USPL1: variants seen among roughly 807,000 people sequenced by gnomAD.
USPL1 encodes the protein SUMO-specific isopeptidase USPL1.
USPL1 carries 27 observed loss-of-function variants against 51.5 expected under a neutral mutation model. That is an observed-to-expected ratio of 0.52 (90% CI 0.39 to 0.72). The LOEUF is 0.72. USPL1 is among the 30% of genes least tolerant of loss of function. USPL1 has a pLI of 0.00. For synonymous variants in USPL1, 451 were observed against 459.6 expected, an observed-to-expected ratio of 0.98 and a Z score of 0.24; for missense variants, 1,226 against 1,268.0, an observed-to-expected ratio of 0.97 and a Z score of 0.50.
At chr13:30,655,166 A>G (rs1951144939) in intron 8 of USPL1, among the ~76,000 whole-genome samples, 1 of 152,050 alleles carries the variant, frequency 6.6e-6, no homozygotes, top group South Asian at 2.1e-4. Flanking sequence ...TGAACTCCCA[A>G]CCTCAGGTGA....
chr13:30,642,800 C>G, intron 6 of USPL1, 43 bp downstream of exon 6: 1 of 1,593,122 alleles, frequency 6.3e-7, no homozygotes, highest in Non-Finnish European at 8.5e-7. Context: ...TCTAGTTTCT[C>G]CACCACTAAG....
chr13:30,637,135 T>G (rs376038004), intron 4 of USPL1, among the ~76,000 whole-genome samples: 60 of 152,200 alleles, frequency 3.9e-4, no homozygotes, highest in Non-Finnish European at 7.6e-4. Flanking sequence ...TTCTAAGAGA[T>G]AGGGGTTTCA....
chr13:30,621,133 G>A lies in USPL1; in HGVS notation c.-8G>A. The A allele has an allele frequency of 1.2e-6, 2 of 1,602,244 alleles. No homozygotes were observed. Among genetic ancestry groups the A allele is most frequent in the Non-Finnish European group, 1.7e-6 (2 of 1,176,058 alleles). Reference sequence around the variant, plus strand: ...TCTCAAGTGACATAAATTAGCCAATGACTCGGAATGATGGATTCTCCGAAG... The same window carrying A: ...TCTCAAGTGACATAAATTAGCCAATAACTCGGAATGATGGATTCTCCGAAG... On this transcript the variant is annotated 5_prime_UTR_variant, in exon 2 of 9. An upstream start codon of the reference 5' UTR is lost. Transcript: ENST00000255304.
At position 30,659,723 on chromosome 13, in the gene USPL1, C is replaced by T. The variant is rs1951231080; in HGVS notation, c.*367C>T. 1 of 170,512 alleles carries T rather than the reference C, an allele frequency of 5.9e-6. No homozygotes were observed. Among genetic ancestry groups the T allele is most frequent in the South Asian group, 1.6e-4 (1 of 6,282 alleles). 10.6% of individuals were successfully genotyped at this position (170,512 alleles called of 1,614,324 possible). A position where few individuals can be genotyped will look rare whatever the true frequency, so the allele number is the denominator to read the frequency against. ...TGATCTTTGTGGTGGTTTTCTTCCC[C>T]TGGAAACCTGTTGCTCGTGGCGCTT... On this transcript the variant is annotated 3_prime_UTR_variant, in exon 9 of 9. Transcript: ENST00000255304.
At chr13:30,631,522 T>A in intron 4 of USPL1, 48 bp downstream of exon 4, 1 of 1,506,404 alleles carries the variant, frequency 6.6e-7, no homozygotes, top group Non-Finnish European at 8.9e-7. Flanking sequence ...TCATCTGGAG[T>A]CAGGGTCTCA....
At chr13:30,635,090 A>G (rs1463574338) in intron 4 of USPL1, among the ~76,000 whole-genome samples, 2 of 152,174 alleles carry the variant, frequency 1.3e-5, no homozygotes, top group Non-Finnish European at 2.9e-5. Context: ...TGCTAGAGTT[A>G]CATCAGATGT....
In USPL1 at chr13:30,660,128, G is replaced by C. The variant is rs1246812365; in HGVS notation, c.*772G>C. ...TTAGCAGAGAGGGTAGCTCCTCCCT[G>C]TTGCTGGTCGTCCCACCCTCTGCTC... On this transcript the variant is annotated 3_prime_UTR_variant, in exon 9 of 9. Coordinates refer to ENST00000255304, the MANE Select transcript of USPL1 (RefSeq NM_005800.5). The C allele has an allele frequency of 6.6e-6, 1 of 152,322 alleles. No homozygotes were observed. The highest frequency in any genetic ancestry group is 1.9e-4 in the East Asian group (1 of 5,196). 9.4% of individuals were successfully genotyped at this position (152,322 alleles called of 1,614,324 possible). A position where few individuals can be genotyped will look rare whatever the true frequency, so the allele number is the denominator to read the frequency against.
rs1478324640 is a variant in USPL1 at position 30,643,597 on chromosome 13, TCCA to T, written c.1112+843_1112+845del. ...AATTATTACAATAGAAATAACTCTT[TCCA>T]CCCCCCCCCGCCCTTTTTTTTTTTT... On this transcript the variant is annotated intron_variant, in intron 6 of 8. Coordinates refer to ENST00000255304, the MANE Select transcript of USPL1 (RefSeq NM_005800.5). 1.4e-3 allele frequency among the ~76,000 whole-genome samples: 121 copies of T among 86,950 alleles called. 8 individuals are homozygous for T. The South Asian group carries it at 0.023, about 17-fold the overall frequency. The allele number at this position is 86,950 out of a possible 152,430, so 57.0% of individuals were successfully genotyped here.
chr13:30,621,843 C>G lies in USPL1; in HGVS notation c.179C>G (p.Thr60Ser), dbSNP rs1950650602. The G allele has an allele frequency of 6.3e-7, 1 of 1,583,226 alleles. No individual in the cohort carries two copies. The highest frequency in any genetic ancestry group is 8.6e-7 in the Non-Finnish European group (1 of 1,166,392). ...REKGKLKALK[T>S]YRISFQESIF... Reference sequence around the variant, plus strand: ...AAGGGAAAGTTAAAAGCCTTAAAGACTTACCGAATTAGTTTTCAAGAATCT... The same window carrying G: ...AAGGGAAAGTTAAAAGCCTTAAAGAGTTACCGAATTAGTTTTCAAGAATCT... The change falls in exon 3 of 9, where the codon ACT becomes AGT. Residue 60 changes from threonine (T) to serine (S), a missense_variant. Transcript: ENST00000255304.
intron 4 of USPL1, among the ~76,000 whole-genome samples, chr13:30,636,266 CTG>C (rs1384780073): frequency 2.6e-5 from 4 of 151,838 alleles, no homozygotes; most frequent in Non-Finnish European, 5.9e-5. Context: ...TGTTTTTAAT[CTG>C]TTACTAATTT....
intron 4 of USPL1, among the ~76,000 whole-genome samples, chr13:30,633,151 A>G (rs1371776393): frequency 2.6e-5 from 4 of 152,170 alleles, no homozygotes; most frequent in Non-Finnish European, 5.9e-5. Context: ...GAGGTCTGAA[A>G]GTAGATGAGT....
At chr13:30,635,173 C>G (rs1950859235) in intron 4 of USPL1, among the ~76,000 whole-genome samples, 1 of 152,108 alleles carries the variant, frequency 6.6e-6, no homozygotes, top group Non-Finnish European at 1.5e-5. Flanking sequence ...ATAGGGAAGT[C>G]TTTATCTTTT....
rs1487368669 is a variant in USPL1 at position 30,658,735 on chromosome 13, TAAACTTCGTCTA to T, written c.2668_2679del (p.Leu890_Arg893del). ...AAGACTTGGTGGAAGGTCAGATTCA[TAAACTTCGTCTA>T]AAACTTCGTAAAAAGCTAAAGGCAG... On this transcript the variant is annotated inframe_deletion, in exon 9 of 9. Coordinates refer to ENST00000255304, the MANE Select transcript of USPL1 (RefSeq NM_005800.5). The T allele has an allele frequency of 6.2e-7, 1 of 1,614,088 alleles. No individual in the cohort carries two copies. Among genetic ancestry groups the T allele is most frequent in the African/African-American group, 1.3e-5 (1 of 74,928 alleles).
intron 1 of USPL1, among the ~76,000 whole-genome samples, chr13:30,619,290 C>T (rs1468112128): frequency 1.3e-5 from 2 of 152,060 alleles, no homozygotes; most frequent in African/African-American, 2.4e-5. Flanking sequence ...ACAAATAAAC[C>T]TCTGGTATTA....
chr13:30,654,573 TG>T (rs1366761459), intron 8 of USPL1, among the ~76,000 whole-genome samples: 1 of 152,194 alleles, frequency 6.6e-6, no homozygotes, highest in Non-Finnish European at 1.5e-5. Context: ...GATTCCAGTG[TG>T]GGTCATGTGG....
intron 4 of USPL1, among the ~76,000 whole-genome samples, chr13:30,633,286 T>G (rs1416569604): frequency 1.3e-5 from 2 of 152,240 alleles, no homozygotes; most frequent in Non-Finnish European, 2.9e-5. Context: ...TTATAAAACT[T>G]GATCATAGGT....
At chr13:30,625,786 A>C (rs1286749736) in intron 3 of USPL1, among the ~76,000 whole-genome samples, 7 of 152,172 alleles carry the variant, frequency 4.6e-5, no homozygotes, top group African/African-American at 7.2e-5. Context: ...GTGATAAAGC[A>C]AAAAATATAT....
chr13:30,625,444 G>GTTTT (rs926283215), intron 3 of USPL1, among the ~76,000 whole-genome samples: 15 of 118,938 alleles, frequency 1.3e-4, no homozygotes, highest in Non-Finnish European at 1.7e-4. Flanking sequence ...TTTGTTTTTT[G>GTTTT]TTTTTTTTTT....
In USPL1 at chr13:30,642,627, G is replaced by A; in HGVS notation, c.983-1G>A. 1.2e-6 allele frequency: 2 copies of A among 1,600,312 alleles called. No homozygotes were observed. The highest frequency in any genetic ancestry group is 1.7e-6 in the Non-Finnish European group (2 of 1,176,366). On this transcript the variant is annotated splice_acceptor_variant, in intron 5 of 8. Coordinates refer to ENST00000255304, the MANE Select transcript of USPL1 (RefSeq NM_005800.5). LOFTEE classifies it high-confidence loss of function. ...AGTAATTCTTCCTTTTCTTTTTGAA[G>A]GTGATATGGAAAGCCCTGTGTTTGC...
Sources: gnomAD v4.1 joint callset for allele counts (sites outside exome capture counted in the v4.1 genomes callset) on GRCh38, gnomAD v4.1.1 for gene constraint, MANE v1.5 for transcripts, NCBI Gene and HGNC (gene_info 2026-07-23, HGNC 2026-07-21) for gene names.